Variants in IGF2BP2 observed in about 807,000 individuals in gnomAD.
IGF2BP2 encodes the protein insulin like growth factor 2 mRNA binding protein 2, also known as insulin-like growth factor 2 mRNA-binding protein 2.
Under a neutral mutation model 75.8 loss-of-function variants are expected in IGF2BP2, and 17 were observed. That is an observed-to-expected ratio of 0.22 (90% confidence interval 0.15 to 0.34). The LOEUF (loss-of-function observed/expected upper bound fraction) is 0.34. IGF2BP2 is among the 10% of genes least tolerant of loss of function. The pLI is 1.00. For missense variants in IGF2BP2, 516 were observed against 772.4 expected (o/e 0.67, Z 3.93); for synonymous variants, 288 against 295.6 (o/e 0.97, Z 0.26).
intron 2 of IGF2BP2, among the ~76,000 whole-genome samples, chr3:185,719,512 T>A (rs893370843): frequency 6.6e-6 from 1 of 152,032 alleles, no homozygotes; most frequent in African/African-American, 2.4e-5. Flanking sequence ...GCTTGGAAAA[T>A]GACCAGGAGT....
At chr3:185,738,368 T>C (rs982748130) in intron 2 of IGF2BP2, among the ~76,000 whole-genome samples, 2 of 152,208 alleles carry the variant, frequency 1.3e-5, no homozygotes, top group East Asian at 3.8e-4. Context: ...GAACTAATTA[T>C]AGAGCACTGT....
At chr3:185,654,724 A>G (rs1228424409) in intron 12 of IGF2BP2, among the ~76,000 whole-genome samples, 1 of 152,236 alleles carries the variant, frequency 6.6e-6, no homozygotes, top group Non-Finnish European at 1.5e-5. Context: ...TGGGACCCAG[A>G]GATAACTGCC....
At chr3:185,694,879 G>A (rs890323598) in intron 4 of IGF2BP2, among the ~76,000 whole-genome samples, 1 of 152,196 alleles carries the variant, frequency 6.6e-6, no homozygotes, top group South Asian at 2.1e-4. Context: ...TTGAGGCCGG[G>A]AGTTTGATGC....
chr3:185,792,464 T>G (rs1736779801), intron 2 of IGF2BP2, among the ~76,000 whole-genome samples: 1 of 151,960 alleles, frequency 6.6e-6, no homozygotes, highest in Non-Finnish European at 1.5e-5. Context: ...AATTATTTTT[T>G]TTTTTGTAAA....
chr3:185,677,068 T>TATATATATTATATATATAGAGAG, intron 7 of IGF2BP2, among the ~76,000 whole-genome samples: 1 of 35,876 alleles, frequency 2.8e-5, no homozygotes, highest in African/African-American at 1.6e-4. Context: ...TATATATATA[T>TATATATATTATATATATAGAGAG]AGAGAGAGAG....
At chr3:185,797,398 A>G (rs1451649621) in intron 2 of IGF2BP2, among the ~76,000 whole-genome samples, 4 of 152,158 alleles carry the variant, frequency 2.6e-5, no homozygotes, top group Non-Finnish European at 5.9e-5. Flanking sequence ...ATTTGTTTAC[A>G]CTCTTACAAG....
chr3:185,654,286 C>CT (rs1294234993), intron 12 of IGF2BP2, among the ~76,000 whole-genome samples: 1 of 152,178 alleles, frequency 6.6e-6, no homozygotes, highest in Non-Finnish European at 1.5e-5. Flanking sequence ...GTCCAGGGGT[C>CT]TGACACCCTC....
intron 2 of IGF2BP2, among the ~76,000 whole-genome samples, chr3:185,821,422 G>T (rs1308967618): frequency 6.6e-6 from 1 of 152,040 alleles, no homozygotes; most frequent in Non-Finnish European, 1.5e-5. Flanking sequence ...CTTCAATTCT[G>T]AACTCTTAAA....
intron 12 of IGF2BP2, among the ~76,000 whole-genome samples, chr3:185,653,017 G>A (rs2149069273): frequency 6.6e-6 from 1 of 152,170 alleles, no homozygotes; most frequent in Non-Finnish European, 1.5e-5. Flanking sequence ...CACCATGTTG[G>A]CCAGGCTGGT....
In IGF2BP2 at chr3:185,644,398, T is replaced by C. The variant is rs1713149486; in HGVS notation, c.*1133A>G. 6.6e-6 allele frequency: 1 copy of C among 152,546 alleles called. No individual in the cohort carries two copies. Among genetic ancestry groups the C allele is most frequent in the African/African-American group, 2.4e-5 (1 of 41,422 alleles). 9.4% of individuals were successfully genotyped at this position (152,546 alleles called of 1,614,324 possible). A position where few individuals can be genotyped will look rare whatever the true frequency, so the allele number is the denominator to read the frequency against. ...AATGCAAAAAGACAAAATACATTCT[T>C]TCATTGTGGAATTTTTTCTTTGTTT... is the stretch of plus-strand genomic sequence containing the variant. On this transcript the variant is annotated 3_prime_UTR_variant, in exon 16 of 16. Coordinates refer to ENST00000382199, the MANE Select transcript of IGF2BP2 (RefSeq NM_006548.6).
At chr3:185,728,702 G>A (rs972264339) in intron 2 of IGF2BP2, 2 of 152,156 alleles carry the variant, frequency 1.3e-5, no homozygotes, top group Non-Finnish European at 2.9e-5. Flanking sequence ...ACACAGTCAC[G>A]AAAAGGTCCA....
At chr3:185,722,220 C>T (rs2149473420) in intron 2 of IGF2BP2, 1 of 455,938 alleles carries the variant, frequency 2.2e-6, no homozygotes, top group Non-Finnish European at 4.4e-6. Context: ...AGGCACATGC[C>T]ACCATGCCCA....
intron 2 of IGF2BP2, among the ~76,000 whole-genome samples, chr3:185,714,592 G>C (rs1725313488): frequency 6.6e-6 from 1 of 152,154 alleles, no homozygotes; most frequent in South Asian, 2.1e-4. Context: ...CCCATCCATA[G>C]GTGAAAAATA....
intron 12 of IGF2BP2, among the ~76,000 whole-genome samples, chr3:185,652,726 G>A (rs567826134): frequency 1.3e-5 from 2 of 152,346 alleles, no homozygotes; most frequent in South Asian, 4.1e-4. Context: ...CAGCAGAGCA[G>A]AAATGGAGGC....
At chr3:185,666,236 T>C (rs918030501) in intron 10 of IGF2BP2, among the ~76,000 whole-genome samples, 9 of 152,124 alleles carry the variant, frequency 5.9e-5, no homozygotes, top group Admixed American at 2.6e-4. Flanking sequence ...ACTCAAAAAT[T>C]GATAGGGTGT....
chr3:185,794,992 G>C (rs1737163223), intron 2 of IGF2BP2, among the ~76,000 whole-genome samples: 2 of 151,890 alleles, frequency 1.3e-5, no homozygotes, highest in Non-Finnish European at 1.5e-5. Flanking sequence ...CCACCTCCCG[G>C]GTTCATGCCA....
intron 10 of IGF2BP2, among the ~76,000 whole-genome samples, chr3:185,671,535 C>CAA (rs397706922): frequency 0.033 from 2,908 of 88,630 alleles, 53 homozygotes; most frequent in East Asian, 0.071. Context: ...GACTCCATCT[C>CAA]AAAAAAAAAA....
At chr3:185,688,044 A>C (rs1010415841) in intron 6 of IGF2BP2, among the ~76,000 whole-genome samples, 2 of 152,234 alleles carry the variant, frequency 1.3e-5, no homozygotes, top group Non-Finnish European at 2.9e-5. Context: ...AAAGGATACC[A>C]AACAGTAACT....
chr3:185,708,774 AG>A (rs1724403839), intron 2 of IGF2BP2, among the ~76,000 whole-genome samples: 3 of 152,156 alleles, frequency 2.0e-5, no homozygotes, highest in African/African-American at 7.2e-5. Flanking sequence ...AGCTAGACAA[AG>A]TCCTCAGAAG....
Sources: gnomAD v4.1 joint callset for allele counts (sites outside exome capture counted in the v4.1 genomes callset) on GRCh38, gnomAD v4.1.1 for gene constraint, MANE v1.5 for transcripts, NCBI Gene and HGNC (gene_info 2026-07-23, HGNC 2026-07-21) for gene names.